Variants in CD44 observed in about 807,000 individuals in gnomAD.
CD44 encodes CD44 molecule (IN blood group).
CD44 carries 49 observed loss-of-function variants against 88.8 expected under a neutral mutation model. The ratio of observed to expected loss-of-function variants is 0.55; its 90% confidence interval spans 0.44 to 0.70. CD44 has a LOEUF of 0.70. CD44 is among the 30% of genes least tolerant of loss of function. CD44 has a pLI of 0.00. For missense variants in CD44, 883 were observed against 913.8 expected (o/e 0.97, Z 0.43); for synonymous variants, 325 against 312.3 (o/e 1.04, Z -0.43).
At chr11:35,158,231 G>A (rs914014891) in intron 1 of CD44, among the ~76,000 whole-genome samples, 3 of 152,184 alleles carry the variant, frequency 2.0e-5, no homozygotes, top group Non-Finnish European at 4.4e-5. Context: ...CTCAGAACCA[G>A]CTTTCCTATC....
At position 35,154,206 on chromosome 11, in the gene CD44, G is replaced by T. The variant is rs772783714; in HGVS notation, c.67+14836G>T. The stretch of plus-strand genomic sequence containing the variant: ...ACAAATCTTATCCATTTCGTTGAAA[G>T]TTCCTTGATCTTGTGGCTGAAGCTT... On this transcript the variant is annotated intron_variant, in intron 1 of 17. Transcript: ENST00000428726. Among the ~76,000 whole-genome samples the T allele has an allele frequency of 2.0e-4, 31 of 152,214 alleles. 1 individual carries two copies. The highest frequency in any genetic ancestry group is 2.9e-4 in the Non-Finnish European group (20 of 68,014).
Position 35,214,875 on chromosome 11 carries a change from A to C in CD44, c.1834A>C (p.Ser612Arg). Residue 612 changes from serine (S) to arginine (R), a missense_variant, in exon 15 of 18, where the codon AGT becomes CGT. This residue lies in a region of CD44 where 631 missense variants were observed against 590.9 expected (regional missense o/e 1.07). Transcript: ENST00000428726. Reference sequence around the variant, plus strand: ...AGGAGACCAAGACACATTCCACCCCAGTGGGGGGTCCCATACCACTCATGG... The same window carrying C: ...AGGAGACCAAGACACATTCCACCCCCGTGGGGGGTCCCATACCACTCATGG... The part of the protein sequence containing the change: ...LSGDQDTFHP[S>R]GGSHTTHGSE... 3 of 1,558,928 alleles carry C rather than the reference A, an allele frequency of 1.9e-6. No homozygotes were observed. Among genetic ancestry groups the C allele is most frequent in the Non-Finnish European group, 2.6e-6 (3 of 1,152,542 alleles).
chr11:35,217,039 C>A (rs983098624), intron 15 of CD44, among the ~76,000 whole-genome samples: 1 of 152,212 alleles, frequency 6.6e-6, no homozygotes, highest in African/African-American at 2.4e-5. Flanking sequence ...CTTTGTGGAA[C>A]TTGCTACTGT....
chr11:35,223,053 A>G (rs1432855489), intron 17 of CD44: 1 of 985,322 alleles, frequency 1.0e-6, no homozygotes, highest in African/African-American at 1.7e-5. Flanking sequence ...ACAAGTTAAT[A>G]AAAGTGCCAT....
rs2133332229 is a variant in CD44, at chr11:35,160,805, C to T, written c.68-15770C>T. On this transcript the variant is annotated intron_variant, in intron 1 of 17. Transcript: ENST00000428726. Reference sequence around the variant, plus strand: ...CATACTAAATGGCAGACACTGGGGACACAAAGATGAATAAGGCATGGTCCC... The same window carrying T: ...CATACTAAATGGCAGACACTGGGGATACAAAGATGAATAAGGCATGGTCCC... Among the ~76,000 whole-genome samples the T allele has an allele frequency of 1.3e-5, 2 of 152,296 alleles. 1 individual carries two copies. Among genetic ancestry groups the T allele is most frequent in the Admixed American group, 1.3e-4 (2 of 15,310 alleles).
intron 1 of CD44, among the ~76,000 whole-genome samples, chr11:35,150,526 A>G (rs1282241144): frequency 6.6e-6 from 1 of 152,232 alleles, no homozygotes; most frequent in Admixed American, 6.5e-5. Context: ...GTCAGAGGCT[A>G]TAATATAAGG....
intron 1 of CD44, among the ~76,000 whole-genome samples, chr11:35,158,785 T>A (rs1942232022): frequency 6.6e-6 from 1 of 152,222 alleles, no homozygotes; most frequent in African/African-American, 2.4e-5. Flanking sequence ...CTGGAACAAC[T>A]GTTGCTGAGC....
intron 1 of CD44, among the ~76,000 whole-genome samples, chr11:35,168,944 TA>T (rs1390580565): frequency 1.3e-5 from 2 of 152,220 alleles, no homozygotes; most frequent in Non-Finnish European, 2.9e-5. Context: ...GTTACAAAAC[TA>T]AAAGTTGGTC....
chr11:35,171,584 A>C (rs1407822), intron 1 of CD44, among the ~76,000 whole-genome samples: 14,836 of 152,236 alleles, frequency 0.097, 847 homozygotes, highest in African/African-American at 0.14. Context: ...CTTGCATACA[A>C]ACATATAAGT....
intron 4 of CD44, among the ~76,000 whole-genome samples, chr11:35,188,531 A>C (rs1422069628): frequency 6.6e-6 from 1 of 152,208 alleles, no homozygotes; most frequent in Admixed American, 6.5e-5. Context: ...TCTCTTTTGA[A>C]GTCCAGACAT....
intron 1 of CD44, among the ~76,000 whole-genome samples, chr11:35,150,933 T>C (rs886150013): frequency 6.6e-6 from 1 of 152,200 alleles, no homozygotes; most frequent in African/African-American, 2.4e-5. Context: ...ATGAGGAAAG[T>C]GGAAGACCTA....
At chr11:35,172,891 A>G (rs1944062407) in intron 1 of CD44, among the ~76,000 whole-genome samples, 2 of 152,256 alleles carry the variant, frequency 1.3e-5, no homozygotes, top group South Asian at 4.1e-4. Context: ...TTTTCATAGC[A>G]CGTATTTTTC....
At chr11:35,224,582 C>T (rs1949561423) in intron 17 of CD44, among the ~76,000 whole-genome samples, 1 of 152,102 alleles carries the variant, frequency 6.6e-6, no homozygotes, top group East Asian at 1.9e-4. Flanking sequence ...ACAAAAAACA[C>T]AAAAATTAGC....
chr11:35,147,955 G>C (rs371455983), intron 1 of CD44, among the ~76,000 whole-genome samples: 2 of 152,126 alleles, frequency 1.3e-5, no homozygotes. Flanking sequence ...GCCGGGCATG[G>C]TGGTGCATGC....
At chr11:35,149,940 A>G (rs187491221) in intron 1 of CD44, among the ~76,000 whole-genome samples, 16 of 152,352 alleles carry the variant, frequency 1.1e-4, no homozygotes, top group Admixed American at 3.9e-4. Flanking sequence ...GACCATGTGG[A>G]AGGTGAGCAG....
At chr11:35,181,911 ATAT>A (rs1350056026) in intron 3 of CD44, among the ~76,000 whole-genome samples, 2 of 63,364 alleles carry the variant, frequency 3.2e-5, no homozygotes, top group African/African-American at 1.8e-4. Flanking sequence ...TATATAATAT[ATAT>A]TATATATTAT....
chr11:35,167,779 A>C (rs1039793956), intron 1 of CD44, among the ~76,000 whole-genome samples: 1 of 152,188 alleles, frequency 6.6e-6, no homozygotes, highest in Non-Finnish European at 1.5e-5. Context: ...TCGTAATGTC[A>C]CAAGGACAGC....
chr11:35,179,674 C>T (rs1387071683), intron 2 of CD44, among the ~76,000 whole-genome samples: 2 of 152,136 alleles, frequency 1.3e-5, no homozygotes, highest in Non-Finnish European at 2.9e-5. Context: ...GCCTGCAATG[C>T]TCAGGAGGCA....
intron 2 of CD44, 86 bp from the exon 3 acceptor site, chr11:35,180,188 C>A: frequency 7.4e-7 from 1 of 1,358,674 alleles, no homozygotes; most frequent in Non-Finnish European, 1.0e-6. Flanking sequence ...TGAAGTGTTG[C>A]ACGGCATTAA....
Sources: gnomAD v4.1 joint callset for allele counts (sites outside exome capture counted in the v4.1 genomes callset) on GRCh38, gnomAD v4.1.1 for gene constraint, gnomAD v4.1.1 regional missense constraint, MANE v1.5 for transcripts, NCBI Gene and HGNC (gene_info 2026-07-23, HGNC 2026-07-21) for gene names.